PRMT7: variants seen among roughly 807,000 people sequenced by gnomAD.
PRMT7 encodes the protein protein arginine N-methyltransferase 7.
A neutral mutation model predicts 85.4 loss-of-function variants in PRMT7; 75 were observed. That is an observed-to-expected ratio of 0.88 (90% CI 0.73 to 1.06). The LOEUF is 1.06. PRMT7 is among the 50% of genes least tolerant of loss of function. The probability of loss-of-function intolerance (pLI) is 0.00; values close to 1 mark genes in which losing one functional copy is unlikely to be tolerated. For synonymous variants in PRMT7, 397 were observed against 359.5 expected, an observed-to-expected ratio of 1.10 and a Z score of -1.18; for missense variants, 868 against 915.2, an observed-to-expected ratio of 0.95 and a Z score of 0.67.
At chr16:68,331,781 T>C (rs561806974) in intron 6 of PRMT7, among the ~76,000 whole-genome samples, 2 of 152,374 alleles carry the variant, frequency 1.3e-5, no homozygotes, top group East Asian at 3.9e-4. Flanking sequence ...GCCTCATTTT[T>C]GATATTGTAT....
chr16:68,340,316 T>C (rs1283362413), intron 9 of PRMT7, among the ~76,000 whole-genome samples: 2 of 152,130 alleles, frequency 1.3e-5, no homozygotes, highest in African/African-American at 4.8e-5. Context: ...TCACCTTCTG[T>C]GGCCTCAAAA....
Position 68,321,324 on chromosome 16 carries a change from T to A in PRMT7, c.96-102T>A, listed in dbSNP as rs1597156744. 4.6e-6 allele frequency: 4 copies of A among 875,816 alleles called. No homozygotes were observed. In the Admixed American group the frequency reaches 1.1e-4, roughly 23 times the overall value. The allele number at this position is 875,816 out of a possible 1,614,324, so 54.3% of individuals were successfully genotyped here. A position where few individuals can be genotyped will look rare whatever the true frequency, so the allele number is the denominator to read the frequency against. On this transcript the variant is annotated intron_variant, in intron 3 of 18. Transcript: ENST00000441236. ...CAACCAAAAAATAGTTTAAAATAGA[T>A]GACACGTTTGTTCTATCTGTTTAGC...
chr16:68,320,667 A>T (rs1471557130), intron 3 of PRMT7, among the ~76,000 whole-genome samples: 1 of 152,124 alleles, frequency 6.6e-6, no homozygotes, highest in Non-Finnish European at 1.5e-5. Context: ...TTTGTTTATG[A>T]CCAGTTTTGG....
At chr16:68,331,995 C>G in intron 6 of PRMT7, among the ~76,000 whole-genome samples, 1 of 152,128 alleles carries the variant, frequency 6.6e-6, no homozygotes, top group African/African-American at 2.4e-5. Flanking sequence ...CATGTCTAAC[C>G]ATTTTTGTTT....
chr16:68,324,299 C>T (rs1198545584), intron 4 of PRMT7: 1 of 199,450 alleles, frequency 5.0e-6, no homozygotes, highest in Non-Finnish European at 1.0e-5. Flanking sequence ...AATCAACTGC[C>T]CCTACCGAGA....
chr16:68,357,707 G>C lies in PRMT7; in HGVS notation c.*483G>C, dbSNP rs2088858220. 2.3e-5 allele frequency: 1 copy of C among 43,394 alleles called. No individual in the cohort carries two copies. 2.7% of individuals were successfully genotyped at this position (43,394 alleles called of 1,614,324 possible). On this transcript the variant is annotated 3_prime_UTR_variant, in exon 19 of 19. Coordinates refer to ENST00000441236, the MANE Select transcript of PRMT7 (RefSeq NM_019023.5). Reference sequence around the variant, plus strand: ...ATGCTGAGTTGTGGCTGGGTCTCTGGGGCTTGAAGACCCTGGCTGGGCCCG... The same window carrying C: ...ATGCTGAGTTGTGGCTGGGTCTCTGCGGCTTGAAGACCCTGGCTGGGCCCG...
intron 11 of PRMT7, 86 bp downstream of exon 11, chr16:68,346,366 C>A: frequency 5.7e-6 from 9 of 1,580,658 alleles, no homozygotes; most frequent in Non-Finnish European, 7.8e-6. Context: ...TTATGATTTG[C>A]TGTTTCTTTC....
intron 6 of PRMT7, among the ~76,000 whole-genome samples, chr16:68,336,755 G>C (rs113580515): frequency 0.023 from 3,460 of 152,180 alleles, 155 homozygotes; most frequent in African/African-American, 0.078. Flanking sequence ...GTTTGAGACA[G>C]AGTCTCACTC....
At chr16:68,325,324 T>C (rs957879467) in intron 5 of PRMT7, among the ~76,000 whole-genome samples, 2 of 152,234 alleles carry the variant, frequency 1.3e-5, no homozygotes, top group Non-Finnish European at 2.9e-5. Flanking sequence ...TTGGACTTCA[T>C]GTAAGAAAGC....
At chr16:68,329,608 G>C (rs1309742697) in intron 6 of PRMT7, 1 of 156,652 alleles carries the variant, frequency 6.4e-6, no homozygotes, top group Non-Finnish European at 1.4e-5. Flanking sequence ...TCACTCTGTC[G>C]CCCAGGCTGG....
At chr16:68,340,702 G>A (rs1028200902) in intron 9 of PRMT7, among the ~76,000 whole-genome samples, 2 of 152,236 alleles carry the variant, frequency 1.3e-5, no homozygotes, top group Admixed American at 1.3e-4. Flanking sequence ...GGAAAAAGCA[G>A]GAAAGCGAGT....
intron 9 of PRMT7, among the ~76,000 whole-genome samples, chr16:68,345,310 G>A (rs1217784093): frequency 6.6e-6 from 1 of 152,170 alleles, no homozygotes; most frequent in African/African-American, 2.4e-5. Context: ...AAACCACTAG[G>A]TTTAAACCAA....
intron 9 of PRMT7, among the ~76,000 whole-genome samples, chr16:68,345,212 G>A (rs1247609513): frequency 2.6e-5 from 4 of 152,194 alleles, no homozygotes; most frequent in African/African-American, 9.7e-5. Context: ...GTTAGGTTTA[G>A]TGCATTGAGT....
At chr16:68,347,513 G>T in intron 12 of PRMT7, 118 bp from the exon 13 acceptor site, 1 of 1,190,130 alleles carries the variant, frequency 8.4e-7, no homozygotes, top group Non-Finnish European at 1.2e-6. Context: ...GGGAATGAGG[G>T]CAGGGAGGGT....
At chr16:68,340,679 T>G (rs1026585270) in intron 9 of PRMT7, among the ~76,000 whole-genome samples, 1 of 152,032 alleles carries the variant, frequency 6.6e-6, no homozygotes, top group Non-Finnish European at 1.5e-5. Flanking sequence ...AGCACACTGT[T>G]GGGGAAGCTC....
At chr16:68,312,455 C>T (rs932736883) in intron 2 of PRMT7, among the ~76,000 whole-genome samples, 2 of 151,984 alleles carry the variant, frequency 1.3e-5, no homozygotes, top group African/African-American at 4.8e-5. Flanking sequence ...GCAGGCTGGT[C>T]TGGAACTCCC....
At chr16:68,325,992 G>C (rs78366446) in intron 5 of PRMT7, among the ~76,000 whole-genome samples, 1,648 of 152,080 alleles carry the variant, frequency 0.011, 66 homozygotes, top group East Asian at 0.081. Context: ...TAAACAGCTT[G>C]AGCCCACAGA....
chr16:68,321,726 G>A (rs1242121478), intron 4 of PRMT7: 1 of 358,302 alleles, frequency 2.8e-6, no homozygotes, highest in East Asian at 4.3e-5. Flanking sequence ...TGTGTATGGT[G>A]TAAAATGATT....
At chr16:68,331,770 G>C (rs1490935795) in intron 6 of PRMT7, among the ~76,000 whole-genome samples, 1 of 152,120 alleles carries the variant, frequency 6.6e-6, no homozygotes, top group Non-Finnish European at 1.5e-5. Flanking sequence ...CGCTGTGCCT[G>C]GCCTCATTTT....
Sources: gnomAD v4.1 joint callset for allele counts (sites outside exome capture counted in the v4.1 genomes callset) on GRCh38, gnomAD v4.1.1 for gene constraint, MANE v1.5 for transcripts, NCBI Gene and HGNC (gene_info 2026-07-23, HGNC 2026-07-21) for gene names.